Variants in OTUD7A observed in about 807,000 individuals in gnomAD.
OTUD7A encodes OTU deubiquitinase 7A, also known as OTU domain-containing protein 7A.
A neutral mutation model predicts 65.7 loss-of-function variants in OTUD7A; 12 were observed. That is an observed-to-expected ratio of 0.18 (90% CI 0.12 to 0.30). The LOEUF is 0.30. Ranked by LOEUF, OTUD7A falls within the 10% of genes least tolerant of loss-of-function variation. OTUD7A has a pLI of 1.00. For missense variants in OTUD7A, 1,148 were observed against 1,304.8 expected (o/e 0.88, Z 1.85); for synonymous variants, 641 against 586.3 (o/e 1.09, Z -1.35).
At chr15:31,870,198 C>T (rs1248035654) in intron 1 of OTUD7A, among the ~76,000 whole-genome samples, 7 of 149,604 alleles carry the variant, frequency 4.7e-5, no homozygotes, top group Non-Finnish European at 1.0e-4. Flanking sequence ...GCAGCAGCCC[C>T]GACCCAGCGG....
Position 31,744,393 on chromosome 15 carries a change from C to A in OTUD7A, c.-99-87316G>T, listed in dbSNP as rs1176969821. The stretch of plus-strand genomic sequence containing the variant: ...AGTCCTGTAATAAATGAAAAATAAT[C>A]AAGACCAAGTAGAGTGTATCCCAAG... On this transcript the variant is annotated intron_variant, in intron 1 of 12. Coordinates refer to ENST00000307050, the MANE Select transcript of OTUD7A (RefSeq NM_001382637.1). 2.6e-5 allele frequency among the ~76,000 whole-genome samples: 4 copies of A among 152,154 alleles called. No homozygotes were observed. In the East Asian group the frequency reaches 5.8e-4, roughly 22 times the overall value.
chr15:31,514,481 T>C (rs2041812822), intron 8 of OTUD7A, among the ~76,000 whole-genome samples: 1 of 152,210 alleles, frequency 6.6e-6, no homozygotes, highest in African/African-American at 2.4e-5. Flanking sequence ...TATTTTCATC[T>C]TTCTCTCCCT....
chr15:31,721,861 G>A (rs1191167628), intron 1 of OTUD7A, among the ~76,000 whole-genome samples: 4 of 152,226 alleles, frequency 2.6e-5, no homozygotes, highest in African/African-American at 7.2e-5. Flanking sequence ...AGCAGCCTCC[G>A]CATCGGACCC....
At chr15:31,722,764 C>T (rs1893775738) in intron 1 of OTUD7A, among the ~76,000 whole-genome samples, 2 of 152,218 alleles carry the variant, frequency 1.3e-5, no homozygotes, top group South Asian at 4.1e-4. Context: ...GGTCCTTGTC[C>T]ACTTCGTGGT....
At chr15:31,747,802 A>C (rs1894519477) in intron 1 of OTUD7A, among the ~76,000 whole-genome samples, 1 of 152,232 alleles carries the variant, frequency 6.6e-6, no homozygotes, top group African/African-American at 2.4e-5. Context: ...CCAAGTGACC[A>C]AAATTAACAT....
intron 1 of OTUD7A, among the ~76,000 whole-genome samples, chr15:31,688,360 T>C (rs547844982): frequency 1.6e-4 from 25 of 152,172 alleles, no homozygotes; most frequent in Admixed American, 6.5e-5. Context: ...AATCTAAGTA[T>C]GAGGAAATAA....
chr15:31,621,353 C>T (rs111521865), intron 3 of OTUD7A, among the ~76,000 whole-genome samples: 8 of 152,082 alleles, frequency 5.3e-5, no homozygotes, highest in Non-Finnish European at 7.4e-5. Context: ...ATCTGTCTAT[C>T]GTTGACAGTG....
intron 1 of OTUD7A, among the ~76,000 whole-genome samples, chr15:31,709,005 T>G (rs888680599): frequency 2.6e-5 from 4 of 151,290 alleles, no homozygotes; most frequent in African/African-American, 9.8e-5. Flanking sequence ...TCTTTGGGAT[T>G]GTGGGAAGAG....
In OTUD7A at chr15:31,570,035, T is replaced by C. The variant is rs772203594; in HGVS notation, c.314A>G (p.Gln105Arg). ...HKVERPCLQR[Q>R]DDIAQEKRLS... is the part of the protein sequence containing the mutation. ...AGCGGTACCTTGGGCAATGTCGTCCTGCCTCTGCAGGCAGGGTCGCTCCAC... is the reference window on the plus strand; with the variant it reads ...AGCGGTACCTTGGGCAATGTCGTCCCGCCTCTGCAGGCAGGGTCGCTCCAC... The change falls in exon 4 of 13, where the codon CAG becomes CGG. Residue 105 changes from glutamine to arginine, a missense_variant. This residue lies in a region of OTUD7A where 134 missense variants were observed against 252.6 expected (regional missense o/e 0.53). Coordinates refer to ENST00000307050, the MANE Select transcript of OTUD7A (RefSeq NM_001382637.1). 6.2e-7 allele frequency: 1 copy of C among 1,614,156 alleles called. No individual in the cohort carries two copies. The highest frequency in any genetic ancestry group is 2.2e-5 in the East Asian group (1 of 44,890).
chr15:31,795,995 T>C (rs1895941657), intron 1 of OTUD7A, among the ~76,000 whole-genome samples: 1 of 152,176 alleles, frequency 6.6e-6, no homozygotes, highest in African/African-American at 2.4e-5. Flanking sequence ...GGACCCTGCA[T>C]CATCCTCGTT....
chr15:31,589,351 G>A (rs1282939531), intron 3 of OTUD7A, among the ~76,000 whole-genome samples: 15 of 150,132 alleles, frequency 1.0e-4, no homozygotes, highest in Admixed American at 2.0e-4. Flanking sequence ...ACAGGCTGGC[G>A]TGTAGTGACA....
intron 3 of OTUD7A, among the ~76,000 whole-genome samples, chr15:31,615,839 C>A (rs571149539): frequency 6.6e-6 from 1 of 152,344 alleles, no homozygotes; most frequent in Admixed American, 6.5e-5. Context: ...CCCACAGGCA[C>A]AGGCTTCAAC....
intron 3 of OTUD7A, among the ~76,000 whole-genome samples, chr15:31,637,187 C>G (rs1490320357): frequency 6.6e-6 from 1 of 152,230 alleles, no homozygotes; most frequent in Non-Finnish European, 1.5e-5. Context: ...TTCAAAGCTT[C>G]TACAGACAGG....
chr15:31,841,387 AAC>A (rs1462530593), intron 1 of OTUD7A, among the ~76,000 whole-genome samples: 2 of 152,164 alleles, frequency 1.3e-5, no homozygotes, highest in East Asian at 3.9e-4. Flanking sequence ...CACGCTCTGA[AAC>A]ACAGCCCTGA....
intron 1 of OTUD7A, among the ~76,000 whole-genome samples, chr15:31,860,701 G>GTATATA (rs1567060018): frequency 6.5e-5 from 2 of 30,872 alleles, no homozygotes; most frequent in African/African-American, 8.4e-5. Context: ...ATATATATAT[G>GTATATA]TATGTATATA....
chr15:31,859,984 G>A (rs973260323), intron 1 of OTUD7A, among the ~76,000 whole-genome samples: 2 of 152,148 alleles, frequency 1.3e-5, no homozygotes, highest in African/African-American at 2.4e-5. Flanking sequence ...GGAAGGTATT[G>A]TAATCAATTA....
At chr15:31,630,529 G>T (rs1891110846) in intron 3 of OTUD7A, among the ~76,000 whole-genome samples, 1 of 152,000 alleles carries the variant, frequency 6.6e-6, no homozygotes, top group South Asian at 2.1e-4. Context: ...GTCAATTTTG[G>T]AATAGGTGTG....
chr15:31,688,090 C>T (rs1892879288), intron 1 of OTUD7A, among the ~76,000 whole-genome samples: 1 of 152,052 alleles, frequency 6.6e-6, no homozygotes, highest in African/African-American at 2.4e-5. Context: ...GTGACGGGCG[C>T]CTGTAGTCCC....
intron 10 of OTUD7A, among the ~76,000 whole-genome samples, chr15:31,488,993 C>T (rs1331449831): frequency 6.6e-6 from 1 of 152,192 alleles, no homozygotes; most frequent in Non-Finnish European, 1.5e-5. Flanking sequence ...CTGGGTTCTG[C>T]CTTGACGTGG....
Sources: gnomAD v4.1 joint callset for allele counts (sites outside exome capture counted in the v4.1 genomes callset) on GRCh38, gnomAD v4.1.1 for gene constraint, gnomAD v4.1.1 regional missense constraint, MANE v1.5 for transcripts, NCBI Gene and HGNC (gene_info 2026-07-23, HGNC 2026-07-21) for gene names.